The following FRMPD4 variants were observed in gnomAD, a reference collection of about 807,000 sequenced individuals.
The protein encoded by FRMPD4 is FERM and PDZ domain-containing protein 4.
In FRMPD4, 22 loss-of-function variants were observed where a neutral mutation model predicts 94.1. The observed-to-expected ratio is 0.23, with a 90% confidence interval of 0.17 to 0.33. The LOEUF (loss-of-function observed/expected upper bound fraction) is 0.33. FRMPD4 is among the 10% of genes least tolerant of loss of function. FRMPD4 has a pLI of 1.00. For missense variants in FRMPD4, 1,111 were observed against 1,339.9 expected (o/e 0.83, Z 2.67); for synonymous variants, 631 against 548.6 (o/e 1.15, Z -2.10).
intron 4 of FRMPD4, among the ~76,000 whole-genome samples, chrX:12,666,370 A>G (rs2059780376): frequency 9.0e-6 from 1 of 111,388 alleles, no homozygotes; most frequent in Non-Finnish European, 1.9e-5. Context: ...AGACAGATCA[A>G]TGAGACAGAA....
chrX:12,546,061 GAA>G (rs1302105502), intron 2 of FRMPD4, among the ~76,000 whole-genome samples: 1 of 112,426 alleles, frequency 8.9e-6, no homozygotes, highest in Non-Finnish European at 1.9e-5. Context: ...CAATGTCAAT[GAA>G]AGAGTTGTCC....
chrX:12,452,612 A>G (rs751723788), intron 1 of FRMPD4, among the ~76,000 whole-genome samples: 5 of 112,282 alleles, frequency 4.5e-5, no homozygotes, highest in African/African-American at 9.7e-5. Flanking sequence ...TCAAAAAAAG[A>G]TTGAACATCT....
At chrX:12,441,701 A>AC (rs2057138664) in intron 1 of FRMPD4, among the ~76,000 whole-genome samples, 3 of 112,457 alleles carry the variant, frequency 2.7e-5, no homozygotes, top group Admixed American at 1.9e-4. Context: ...GTTTGGGAAT[A>AC]AATGAATGGT....
intron 1 of FRMPD4, among the ~76,000 whole-genome samples, chrX:12,376,772 C>A (rs1271601729): frequency 8.9e-6 from 1 of 112,748 alleles, no homozygotes; most frequent in East Asian, 2.8e-4. Context: ...TATTATTTGG[C>A]TTATAACTCA....
intron 1 of FRMPD4, among the ~76,000 whole-genome samples, chrX:12,191,771 G>T (rs1411509947): frequency 1.8e-5 from 2 of 111,603 alleles, no homozygotes; most frequent in Non-Finnish European, 3.8e-5. Context: ...AACCCAGAGG[G>T]TTTTTAGGGC....
chrX:12,483,517 T>G (rs1259115905), intron 1 of FRMPD4, among the ~76,000 whole-genome samples: 1 of 111,908 alleles, frequency 8.9e-6, no homozygotes, highest in Non-Finnish European at 1.9e-5. Flanking sequence ...AAAGTAGGAG[T>G]TCTTGTTATA....
chrX:12,253,037 CA>C (rs777133866), intron 1 of FRMPD4, among the ~76,000 whole-genome samples: 1 of 111,940 alleles, frequency 8.9e-6, no homozygotes, highest in African/African-American at 3.2e-5. Context: ...GGAAAAGACA[CA>C]AAAAAATGTC....
intron 1 of FRMPD4, among the ~76,000 whole-genome samples, chrX:12,199,998 C>G (rs781561670): frequency 9.0e-6 from 1 of 110,813 alleles, no homozygotes; most frequent in Non-Finnish European, 1.9e-5. Context: ...GCCAGCTGAT[C>G]CCTCTAGTAC....
At chrX:12,098,251 T>C (rs997122906) in intron 3 of FRMPD4, among the ~76,000 whole-genome samples, 5 of 83,946 alleles carry the variant, frequency 6.0e-5, no homozygotes, top group African/African-American at 2.2e-4. Context: ...ATTTAAAATG[T>C]GTAAAAAACA....
intron 1 of FRMPD4, among the ~76,000 whole-genome samples, chrX:12,340,857 G>T (rs947722141): frequency 8.1e-5 from 9 of 111,278 alleles, no homozygotes; most frequent in African/African-American, 2.6e-4. Flanking sequence ...TCAATGACGT[G>T]ACTTTTCAGT....
At chrX:12,539,158 G>A (rs770396065) in intron 2 of FRMPD4, among the ~76,000 whole-genome samples, 2 of 112,410 alleles carry the variant, frequency 1.8e-5, no homozygotes, top group African/African-American at 3.2e-5. Context: ...TTCAGTAGCC[G>A]ATTCGATCAA....
Position 12,716,609 on chromosome X carries a change from C to A in FRMPD4, c.2150C>A (p.Ala717Glu). The part of the protein sequence containing the change: ...GIQFVENSVY[A>E]NIGDVKSFQA... ...CAGTTTGTGGAAAATTCTGTTTATGCAAACATAGGCGATGTGAAGAGCTTC... is the reference window on the plus strand; with the variant it reads ...CAGTTTGTGGAAAATTCTGTTTATGAAAACATAGGCGATGTGAAGAGCTTC... Residue 717 changes from alanine (A) to glutamate (E), a missense_variant, in exon 15 of 17, where the codon GCA (alanine) becomes GAA (glutamate). Physicochemically the swap from Ala to Glu is moderately radical, Grantham distance 107. Transcript: ENST00000675598. 1 of 1,211,309 alleles carries A rather than the reference C, an allele frequency of 8.3e-7. No homozygotes were observed. The highest frequency in any genetic ancestry group is 1.1e-6 in the Non-Finnish European group (1 of 895,179).
chrX:12,695,101 G>A (rs916817295), intron 9 of FRMPD4, among the ~76,000 whole-genome samples: 1 of 111,076 alleles, frequency 9.0e-6, no homozygotes, highest in Non-Finnish European at 1.9e-5. Context: ...TGCCTTTCAC[G>A]ACCTTGATAG....
At chrX:12,662,052 T>A (rs2148487818) in intron 4 of FRMPD4, among the ~76,000 whole-genome samples, 1 of 111,875 alleles carries the variant, frequency 8.9e-6, no homozygotes, top group Non-Finnish European at 1.9e-5. Context: ...ACCCTAGGAT[T>A]GGGGAAACGC....
intron 1 of FRMPD4, among the ~76,000 whole-genome samples, chrX:12,188,597 C>T (rs925710491): frequency 9.0e-6 from 1 of 111,597 alleles, no homozygotes; most frequent in African/African-American, 3.2e-5. Flanking sequence ...ACAAGAATTT[C>T]GATACGAAAC....
At chrX:12,253,142 C>T (rs1035470867) in intron 1 of FRMPD4, among the ~76,000 whole-genome samples, 2 of 111,610 alleles carry the variant, frequency 1.8e-5, no homozygotes, top group Admixed American at 9.5e-5. Context: ...GAATACTGGG[C>T]GGGTTGTGCT....
At chrX:11,971,296 T>C (rs1430773758) in intron 3 of FRMPD4, among the ~76,000 whole-genome samples, 1 of 112,532 alleles carries the variant, frequency 8.9e-6, no homozygotes, top group Non-Finnish European at 1.9e-5. Context: ...ACATTATCTA[T>C]TCCCTTACCA....
intron 1 of FRMPD4, among the ~76,000 whole-genome samples, chrX:12,191,729 G>A (rs1432250416): frequency 1.8e-5 from 2 of 111,754 alleles, no homozygotes; most frequent in Admixed American, 1.9e-4. Flanking sequence ...GTGGTTGCCC[G>A]GGGTTGTAGA....
chrX:12,553,717 C>T (rs1004683267), intron 2 of FRMPD4, among the ~76,000 whole-genome samples: 1 of 109,136 alleles, frequency 9.2e-6, no homozygotes, highest in African/African-American at 3.3e-5. Context: ...CCCTGATTCT[C>T]ATGAAGCGAA....
Sources: allele counts gnomAD v4.1 joint callset (sites outside exome capture counted in the v4.1 genomes callset), GRCh38; gene constraint gnomAD v4.1.1; transcripts MANE v1.5; gene names NCBI Gene and HGNC (gene_info 2026-07-23, HGNC 2026-07-21).